TENM2: variants seen among roughly 807,000 people sequenced by gnomAD.
TENM2 encodes the protein teneurin-2.
In TENM2, 52 loss-of-function variants were observed where a neutral mutation model predicts 245.2. The ratio of observed to expected loss-of-function variants is 0.21; its 90% confidence interval spans 0.17 to 0.27. The LOEUF (loss-of-function observed/expected upper bound fraction) is 0.27. TENM2 is among the 10% of genes least tolerant of loss of function. TENM2 has a pLI of 1.00. For missense variants in TENM2, 3,046 were observed against 3,666.8 expected (o/e 0.83, Z 4.37); for synonymous variants, 1,363 against 1,438.9 (o/e 0.95, Z 1.19).
At chr5:166,988,952 T>G in the TENM2 span, among the ~76,000 whole-genome samples, 1 of 152,338 alleles carries the variant, frequency 6.6e-6, no homozygotes, top group African/African-American at 2.4e-5. Context: ...TCTGGGAAAC[T>G]GAAGAGAGTC....
At chr5:167,297,277 A>G (rs1381715080) in intron 1 of TENM2, among the ~76,000 whole-genome samples, 1 of 152,174 alleles carries the variant, frequency 6.6e-6, no homozygotes, top group Non-Finnish European at 1.5e-5. Flanking sequence ...GAAGCTCATT[A>G]TGTAGTGTTT....
intron 2 of TENM2, chr5:167,660,626 A>T (rs1212441997): frequency 6.6e-6 from 1 of 152,062 alleles, no homozygotes; most frequent in African/African-American, 2.4e-5. Context: ...GTCAGAAAAA[A>T]AAATGTCTTT....
At chr5:168,143,676 A>T (rs530578554) in intron 12 of TENM2, among the ~76,000 whole-genome samples, 5 of 152,256 alleles carry the variant, frequency 3.3e-5, no homozygotes, top group Admixed American at 6.5e-5. Flanking sequence ...CCTAAAGCAC[A>T]ATAATTGTCT....
At chr5:167,054,310 T>C in the TENM2 span, among the ~76,000 whole-genome samples, 1 of 152,234 alleles carries the variant, frequency 6.6e-6, no homozygotes, top group South Asian at 2.1e-4. Flanking sequence ...AAGATGGGTT[T>C]CTTTCACTTA....
At chr5:167,186,107 T>C in the TENM2 span, among the ~76,000 whole-genome samples, 1 of 152,306 alleles carries the variant, frequency 6.6e-6, no homozygotes, top group Admixed American at 6.5e-5. Context: ...GCCCAGAATG[T>C]GGCTTTTATG....
At chr5:166,999,399 C>T in the TENM2 span, among the ~76,000 whole-genome samples, 1 of 152,124 alleles carries the variant, frequency 6.6e-6, no homozygotes, top group African/African-American at 2.4e-5. Context: ...ACCAGAACCA[C>T]ATCGAAAAGT....
At chr5:168,251,132 G>T (rs989539129) in intron 27 of TENM2, among the ~76,000 whole-genome samples, 2 of 152,118 alleles carry the variant, frequency 1.3e-5, no homozygotes, top group Admixed American at 1.3e-4. Flanking sequence ...CCAGAAGCCT[G>T]GTTGGTATCA....
chr5:167,191,581 CATATTAGA>C, the TENM2 span, among the ~76,000 whole-genome samples: 1 of 152,024 alleles, frequency 6.6e-6, no homozygotes, highest in South Asian at 2.1e-4. Flanking sequence ...GAAAGGCATG[CATATTAGA>C]ACAGGGAAAA....
At chr5:168,102,109 TG>T (rs1344817382) in intron 9 of TENM2, among the ~76,000 whole-genome samples, 1 of 152,188 alleles carries the variant, frequency 6.6e-6, no homozygotes, top group African/African-American at 2.4e-5. Flanking sequence ...ATTTTGCTTT[TG>T]TTGCCCAGGC....
At chr5:166,983,871 A>G in the TENM2 span, among the ~76,000 whole-genome samples, 14 of 152,220 alleles carry the variant, frequency 9.2e-5, no homozygotes, top group African/African-American at 3.4e-4. Flanking sequence ...GTACTCTTCC[A>G]TCTCTAATTT....
At chr5:168,050,473 A>T (rs562266441) in intron 6 of TENM2, among the ~76,000 whole-genome samples, 1 of 152,266 alleles carries the variant, frequency 6.6e-6, no homozygotes, top group South Asian at 2.1e-4. Flanking sequence ...TAATTAAATA[A>T]CACCGCCTCC....
At chr5:168,111,390 G>T (rs1794656782) in intron 9 of TENM2, among the ~76,000 whole-genome samples, 1 of 152,068 alleles carries the variant, frequency 6.6e-6, no homozygotes, top group African/African-American at 2.4e-5. Context: ...TGCCCCCACT[G>T]AAACCAACTA....
At chr5:167,550,885 C>T (rs781751125) in intron 2 of TENM2, among the ~76,000 whole-genome samples, 17 of 151,980 alleles carry the variant, frequency 1.1e-4, no homozygotes, top group East Asian at 1.9e-4. Context: ...TGAGCTTCCA[C>T]GCTTGGCTAA....
intron 2 of TENM2, among the ~76,000 whole-genome samples, chr5:167,380,942 C>A (rs1761066724): frequency 6.6e-6 from 1 of 152,044 alleles, no homozygotes; most frequent in South Asian, 2.1e-4. Context: ...TTAAGTTTAT[C>A]TAATAGGTGG....
At chr5:167,093,163 T>C in the TENM2 span, among the ~76,000 whole-genome samples, 190 of 152,130 alleles carry the variant, frequency 1.2e-3, 1 homozygote, top group Admixed American at 6.0e-3. Context: ...AAAAAAAAGT[T>C]GTGACAAGAA....
chr5:167,654,162 G>A (rs997746998), intron 2 of TENM2, among the ~76,000 whole-genome samples: 1 of 151,616 alleles, frequency 6.6e-6, no homozygotes, highest in Non-Finnish European at 1.5e-5. Flanking sequence ...AGTTCAATGC[G>A]GTTTTTCTCT....
chr5:167,157,180 A>G, the TENM2 span, among the ~76,000 whole-genome samples: 1 of 152,204 alleles, frequency 6.6e-6, no homozygotes, highest in Non-Finnish European at 1.5e-5. Flanking sequence ...TACCTTGTAC[A>G]AAGAATGCCT....
intron 7 of TENM2, among the ~76,000 whole-genome samples, chr5:168,090,281 A>G (rs1008044034): frequency 6.6e-6 from 1 of 151,806 alleles, no homozygotes; most frequent in Non-Finnish European, 1.5e-5. Flanking sequence ...ACATACAAAC[A>G]AAAAGAAAAA....
At chr5:167,802,786 A>T (rs1027268360) in intron 2 of TENM2, among the ~76,000 whole-genome samples, 24 of 152,134 alleles carry the variant, frequency 1.6e-4, no homozygotes, top group Admixed American at 1.6e-3. Flanking sequence ...TAAAGCACTC[A>T]TGTTGGCTTG....
Sources: gnomAD v4.1 joint callset for allele counts (sites outside exome capture counted in the v4.1 genomes callset) on GRCh38, gnomAD v4.1.1 for gene constraint, MANE v1.5 for transcripts, NCBI Gene and HGNC (gene_info 2026-07-23, HGNC 2026-07-21) for gene names.